Variants in CATSPERT observed in about 807,000 individuals in gnomAD.
CATSPERT encodes cation channel sperm-associated targeting subunit tau.
the CATSPERT span, among the ~76,000 whole-genome samples, chr2:201,520,594 A>C: frequency 1.3e-5 from 2 of 152,350 alleles, no homozygotes; most frequent in African/African-American, 4.8e-5. Context: ...TTAAGGATTA[A>C]AGTTCATTGA....
the CATSPERT span, among the ~76,000 whole-genome samples, chr2:201,489,720 T>G: frequency 6.6e-6 from 1 of 152,186 alleles, no homozygotes; most frequent in African/African-American, 2.4e-5. Flanking sequence ...TAGCAGTTTT[T>G]CCAATTATGG....
chr2:201,584,869 A>G, the CATSPERT span, among the ~76,000 whole-genome samples: 33 of 152,304 alleles, frequency 2.2e-4, no homozygotes, highest in African/African-American at 7.2e-4. Flanking sequence ...TAAGCAGCCA[A>G]TAAATCCCAA....
chr2:201,530,761 T>TA, the CATSPERT span, among the ~76,000 whole-genome samples: 5 of 152,164 alleles, frequency 3.3e-5, no homozygotes, highest in African/African-American at 4.8e-5. Context: ...TTTGTGGAAA[T>TA]AATCTTGCTG....
the CATSPERT span, among the ~76,000 whole-genome samples, chr2:201,532,355 A>G: frequency 1.2e-3 from 180 of 152,350 alleles, 1 homozygote; most frequent in Non-Finnish European, 2.1e-3. Flanking sequence ...GATTAAAGGA[A>G]TAGGCAACAT....
At chr2:201,614,592 C>G in the CATSPERT span, among the ~76,000 whole-genome samples, 13 of 152,276 alleles carry the variant, frequency 8.5e-5, no homozygotes, top group Non-Finnish European at 1.5e-4. Flanking sequence ...TCGGTACCAG[C>G]CACTGCAAAA....
At chr2:201,599,877 T>C in the CATSPERT span, among the ~76,000 whole-genome samples, 1 of 152,202 alleles carries the variant, frequency 6.6e-6, no homozygotes, top group Non-Finnish European at 1.5e-5. Flanking sequence ...AATTTGCCAA[T>C]GAAGCTTAGG....
At chr2:201,536,981 G>GGAAT in the CATSPERT span, among the ~76,000 whole-genome samples, 1 of 151,770 alleles carries the variant, frequency 6.6e-6, no homozygotes, top group Non-Finnish European at 1.5e-5. Context: ...ACTCCTTTAT[G>GGAAT]GAATGAATAC....
chr2:201,518,343 G>T, the CATSPERT span, among the ~76,000 whole-genome samples: 2 of 152,286 alleles, frequency 1.3e-5, no homozygotes. Flanking sequence ...TTTTGTCAGG[G>T]CTTATGAGCC....
the CATSPERT span, chr2:201,491,112 A>G: frequency 7.1e-7 from 1 of 1,405,356 alleles, no homozygotes; most frequent in African/African-American, 1.4e-5. Context: ...TACACCCTAA[A>G]TTATTGCCAG....
chr2:201,572,005 T>C, the CATSPERT span: 1 of 1,612,794 alleles, frequency 6.2e-7, no homozygotes, highest in East Asian at 2.2e-5. Flanking sequence ...TCAGTAATTT[T>C]CTGAAGAGGT....
chr2:201,568,836 T>G, the CATSPERT span, among the ~76,000 whole-genome samples: 3 of 152,198 alleles, frequency 2.0e-5, no homozygotes, highest in Admixed American at 2.0e-4. Context: ...AGGAAAGCAA[T>G]GATTCTGCCA....
the CATSPERT span, among the ~76,000 whole-genome samples, chr2:201,518,167 G>A: frequency 1.2e-3 from 186 of 152,306 alleles, 1 homozygote; most frequent in African/African-American, 4.3e-3. Flanking sequence ...GCCACATCCT[G>A]TGCCCAGAGC....
chr2:201,491,759 C>T, the CATSPERT span: 1 of 1,537,082 alleles, frequency 6.5e-7, no homozygotes, highest in East Asian at 2.4e-5. Flanking sequence ...TCCTTTCTAT[C>T]AAGGGACTTC....
chr2:201,575,994 A>G, the CATSPERT span, among the ~76,000 whole-genome samples: 22 of 152,320 alleles, frequency 1.4e-4, no homozygotes, highest in South Asian at 4.6e-3. Flanking sequence ...AACATAAGGA[A>G]TGTTCAAAAG....
the CATSPERT span, among the ~76,000 whole-genome samples, chr2:201,591,415 G>A: frequency 1.3e-5 from 2 of 152,180 alleles, no homozygotes; most frequent in Admixed American, 6.5e-5. Context: ...AAGTCAGGTA[G>A]TGTGATGCCT....
At chr2:201,515,224 T>TAG in the CATSPERT span, among the ~76,000 whole-genome samples, 6 of 64,488 alleles carry the variant, frequency 9.3e-5, no homozygotes, top group Non-Finnish European at 7.9e-5. Context: ...TTTTTTTTTT[T>TAG]TTTTTTTTTT....
chr2:201,539,659 T>G, the CATSPERT span, among the ~76,000 whole-genome samples: 1 of 151,978 alleles, frequency 6.6e-6, no homozygotes, highest in Admixed American at 6.6e-5. Context: ...TTATAAATGT[T>G]GTGTGTGTTG....
the CATSPERT span, among the ~76,000 whole-genome samples, chr2:201,564,425 A>C: frequency 8.2e-6 from 1 of 122,272 alleles, no homozygotes; most frequent in South Asian, 2.9e-4. Context: ...ACTGACTGAA[A>C]ACTAAGAGAA....
At chr2:201,544,999 A>ATAATAG in the CATSPERT span, among the ~76,000 whole-genome samples, 1 of 42,674 alleles carries the variant, frequency 2.3e-5, no homozygotes, top group East Asian at 3.1e-3. Flanking sequence ...CCTGTCTCAG[A>ATAATAG]TAATAATAAT....
Sources: gnomAD v4.1 joint callset for allele counts (sites outside exome capture counted in the v4.1 genomes callset) on GRCh38, gnomAD v4.1.1 for gene constraint, MANE v1.5 for transcripts, NCBI Gene and HGNC (gene_info 2026-07-23, HGNC 2026-07-21) for gene names.